SPATA6L: variants seen among roughly 807,000 people sequenced by gnomAD.
SPATA6L encodes the protein spermatogenesis associated 6-like protein.
A neutral mutation model predicts 49.2 loss-of-function variants in SPATA6L; 68 were observed. That is an observed-to-expected ratio of 1.38 (90% CI 1.14 to 1.69). The LOEUF (loss-of-function observed/expected upper bound fraction) is 1.69. Ranked by LOEUF, SPATA6L falls within the 40% of genes most tolerant of loss-of-function variation. The pLI, the probability that SPATA6L is intolerant of heterozygous loss-of-function variation, is 0.00. For missense variants in SPATA6L, 668 were observed against 464.3 expected (o/e 1.44, Z -4.03); for synonymous variants, 198 against 165.7 (o/e 1.19, Z -1.50).
chr9:4,619,771 A>G (rs762774154), intron 7 of SPATA6L, among the ~76,000 whole-genome samples: 57 of 152,142 alleles, frequency 3.7e-4, no homozygotes, highest in Admixed American at 3.3e-4. Context: ...GGAAATCACT[A>G]TCATGACCAT....
chr9:4,603,060 T>G (rs1471832382), intron 11 of SPATA6L, among the ~76,000 whole-genome samples: 1 of 152,218 alleles, frequency 6.6e-6, no homozygotes, highest in Non-Finnish European at 1.5e-5. Flanking sequence ...GGCTAACTAC[T>G]TGCCACAGAT....
chr9:4,628,130 G>A (rs1287536992), intron 5 of SPATA6L: 2 of 219,738 alleles, frequency 9.1e-6, no homozygotes, highest in Middle Eastern at 1.8e-3. Context: ...GAGGGGGAGT[G>A]GGGATGGTTA....
At chr9:4,642,552 C>T (rs1011375014) in intron 3 of SPATA6L, among the ~76,000 whole-genome samples, 1 of 152,186 alleles carries the variant, frequency 6.6e-6, no homozygotes, top group East Asian at 1.9e-4. Flanking sequence ...CTACAGACTC[C>T]TGGGTTCACT....
At chr9:4,651,940 T>C (rs1428310167) in intron 3 of SPATA6L, among the ~76,000 whole-genome samples, 1 of 152,154 alleles carries the variant, frequency 6.6e-6, no homozygotes, top group Non-Finnish European at 1.5e-5. Context: ...GTACTGGAGA[T>C]TCTAGCCAGG....
chr9:4,595,415 C>G (rs371469079), downstream of SPATA6L, among the ~76,000 whole-genome samples: 1 of 152,196 alleles, frequency 6.6e-6, no homozygotes, highest in Non-Finnish European at 1.5e-5. Context: ...CCACCGCCAG[C>G]CTCTACCTAC....
At position 4,598,756 on chromosome 9, in the gene SPATA6L, C is replaced by A. The variant is rs1054761616; in HGVS notation, c.*2055G>T. On this transcript the variant is annotated 3_prime_UTR_variant, in exon 12 of 12. Transcript: ENST00000682582. ...CCCTCTCCTGAGACTTATAGCGTAA[C>A]CTTAATGTAACACAATATTTTCTTA... Among the ~76,000 whole-genome samples the A allele has an allele frequency of 6.6e-6, 1 of 152,190 alleles. No individual in the cohort carries two copies. Among genetic ancestry groups the A allele is most frequent in the Admixed American group, 6.5e-5 (1 of 15,274 alleles).
At chr9:4,609,862 G>C (rs1314488997) in intron 9 of SPATA6L, among the ~76,000 whole-genome samples, 4 of 152,050 alleles carry the variant, frequency 2.6e-5, no homozygotes, top group Non-Finnish European at 5.9e-5. Context: ...AATTGTCCCT[G>C]TTTGCAGACG....
intron 3 of SPATA6L, chr9:4,646,236 A>T (rs1326126445): frequency 6.7e-6 from 2 of 296,994 alleles, no homozygotes; most frequent in Non-Finnish European, 6.1e-6. Flanking sequence ...AAAGTTATTA[A>T]AAAATGGAAA....
intron 3 of SPATA6L, among the ~76,000 whole-genome samples, chr9:4,652,841 CAAA>C (rs79392745): frequency 1.8e-4 from 10 of 56,538 alleles, no homozygotes; most frequent in Admixed American, 2.0e-4. Flanking sequence ...AATTCCGTCC[CAAA>C]AAAAAAAAAA....
chr9:4,636,921 G>A (rs1056879790), intron 3 of SPATA6L, among the ~76,000 whole-genome samples: 5 of 151,990 alleles, frequency 3.3e-5, no homozygotes, highest in Non-Finnish European at 7.4e-5. Context: ...CTGCATTACT[G>A]CCATGGCTGT....
intron 13 of SPATA6L, among the ~76,000 whole-genome samples, chr9:4,591,752 T>C (rs1821913476): frequency 6.6e-6 from 1 of 152,170 alleles, no homozygotes; most frequent in South Asian, 2.1e-4. Context: ...ATGAAAAAAT[T>C]AGACATGCAA....
intron 9 of SPATA6L, among the ~76,000 whole-genome samples, chr9:4,610,112 G>A (rs1431958987): frequency 2.0e-5 from 3 of 152,158 alleles, no homozygotes; most frequent in Non-Finnish European, 4.4e-5. Context: ...CCTCTTCAAG[G>A]AGAAGTATAA....
rs752570566 is a variant in SPATA6L, at chr9:4,625,608, G to A, written c.430-42C>T. On this transcript the variant is annotated intron_variant, in intron 5 of 11. Coordinates refer to ENST00000682582, the MANE Select transcript of SPATA6L (RefSeq NM_001353486.2). ...AAGAATATTTTTTAAAATAAAGAAA[G>A]AAAAGAAGAAAATTCAATCAGAATA... 9 of 1,362,920 alleles carry A rather than the reference G, an allele frequency of 6.6e-6. No individual in the cohort carries two copies. The South Asian group carries it at 1.2e-4, about 18-fold the overall frequency. 84.4% of individuals were successfully genotyped at this position (1,362,920 alleles called of 1,614,324 possible).
intron 13 of SPATA6L, among the ~76,000 whole-genome samples, chr9:4,591,913 C>T (rs4376542): frequency 6.6e-5 from 10 of 152,096 alleles, no homozygotes; most frequent in African/African-American, 1.5e-4. Flanking sequence ...GGCAAATCAA[C>T]GTCCAGTTTC....
rs143797142 is a variant in SPATA6L, at chr9:4,619,372, G to A, written c.773-474C>T. The stretch of plus-strand genomic sequence containing the variant: ...GGGGTTTCACTACGTTGGCAAGGCT[G>A]GTCTCGAACTCCTGACCTCAGGTGA... On this transcript the variant is annotated intron_variant, in intron 7 of 11. Transcript: ENST00000682582. Among the ~76,000 whole-genome samples the A allele has an allele frequency of 5.4e-3, 818 of 151,984 alleles. 6 individuals carry two copies. The highest frequency in any genetic ancestry group is 0.016 in the African/African-American group (676 of 41,398).
chr9:4,655,667 G>A (rs1044318410), intron 3 of SPATA6L, among the ~76,000 whole-genome samples: 7 of 151,974 alleles, frequency 4.6e-5, no homozygotes, highest in Middle Eastern at 3.4e-3. Flanking sequence ...TCCTGCCTCA[G>A]CCTCCCAGGT....
intron 3 of SPATA6L, among the ~76,000 whole-genome samples, chr9:4,649,060 TATACAC>T (rs983603269): frequency 3.1e-4 from 21 of 67,538 alleles, no homozygotes; most frequent in African/African-American, 8.7e-4. Flanking sequence ...AATATAGAAA[TATACAC>T]ACACACACAC....
At chr9:4,661,534 C>T (rs1839748091) in intron 2 of SPATA6L, among the ~76,000 whole-genome samples, 1 of 151,474 alleles carries the variant, frequency 6.6e-6, no homozygotes, top group African/African-American at 2.4e-5. Flanking sequence ...TTTTCTTGGT[C>T]TAACACAGTT....
intron 4 of SPATA6L, among the ~76,000 whole-genome samples, chr9:4,629,966 C>T (rs1394515715): frequency 4.0e-5 from 6 of 151,658 alleles, no homozygotes; most frequent in Non-Finnish European, 5.9e-5. Context: ...GGAAACTACT[C>T]GGTAATAACA....
Sources: allele counts gnomAD v4.1 joint callset (sites outside exome capture counted in the v4.1 genomes callset), GRCh38; gene constraint gnomAD v4.1.1; transcripts MANE v1.5; gene names NCBI Gene and HGNC (gene_info 2026-07-23, HGNC 2026-07-21).